The following SLCO3A1 variants were observed in gnomAD, a reference collection of about 807,000 sequenced individuals.
SLCO3A1 encodes PGE1 transporter.
SLCO3A1 carries 27 observed loss-of-function variants against 63.1 expected under a neutral mutation model. The ratio of observed to expected loss-of-function variants is 0.43; its 90% CI spans 0.32 to 0.59. The LOEUF (loss-of-function observed/expected upper bound fraction) is 0.59, where lower values mean the gene tolerates loss of function less well. Among genes scored for constraint, SLCO3A1 ranks in the 20% least tolerant of loss-of-function variants. SLCO3A1 has a pLI of 0.09. For missense variants in SLCO3A1, 773 were observed against 945.8 expected (o/e 0.82, Z 2.40); for synonymous variants, 473 against 409.9 (o/e 1.15, Z -1.86).
At chr15:92,054,277 C>G (rs952964027) in intron 2 of SLCO3A1, among the ~76,000 whole-genome samples, 22 of 152,146 alleles carry the variant, frequency 1.4e-4, no homozygotes, top group African/African-American at 5.3e-4. Context: ...TTGTGCCTGT[C>G]TTGTGGAGCT....
intron 2 of SLCO3A1, among the ~76,000 whole-genome samples, chr15:91,978,806 G>A (rs1286915505): frequency 6.6e-6 from 1 of 152,216 alleles, no homozygotes; most frequent in East Asian, 1.9e-4. Flanking sequence ...AACTTTCCAC[G>A]TATCAGTATC....
intron 1 of SLCO3A1, among the ~76,000 whole-genome samples, chr15:91,857,758 G>C (rs1415471490): frequency 6.6e-6 from 1 of 152,098 alleles, no homozygotes; most frequent in Non-Finnish European, 1.5e-5. Context: ...CTGAGGACTG[G>C]AGTAGATAAG....
intron 3 of SLCO3A1, among the ~76,000 whole-genome samples, chr15:92,097,145 A>T (rs779159052): frequency 2.0e-5 from 3 of 152,214 alleles, no homozygotes; most frequent in Non-Finnish European, 4.4e-5. Flanking sequence ...GGTGGCCTTG[A>T]ACCAAAAGCC....
chr15:92,015,433 C>G (rs1036859153), intron 2 of SLCO3A1, among the ~76,000 whole-genome samples: 1 of 152,092 alleles, frequency 6.6e-6, no homozygotes, highest in African/African-American at 2.4e-5. Context: ...GGAACTGCCA[C>G]TTCTAAACTA....
intron 4 of SLCO3A1, among the ~76,000 whole-genome samples, chr15:92,115,417 C>G (rs1188103814): frequency 6.6e-6 from 1 of 152,174 alleles, no homozygotes; most frequent in Non-Finnish European, 1.5e-5. Context: ...CCCCATGGCT[C>G]TGAGGAACAC....
intron 2 of SLCO3A1, among the ~76,000 whole-genome samples, chr15:92,015,253 T>A (rs564380030): frequency 2.2e-4 from 34 of 152,270 alleles, no homozygotes; most frequent in Middle Eastern, 3.4e-3. Flanking sequence ...ATTTTCATAC[T>A]GCTGTGAAGA....
chr15:91,891,292 T>C (rs1897864715), intron 1 of SLCO3A1, among the ~76,000 whole-genome samples: 1 of 152,188 alleles, frequency 6.6e-6, no homozygotes, highest in African/African-American at 2.4e-5. Flanking sequence ...TAGGACTACC[T>C]TGGCTGAAGA....
chr15:91,976,706 A>T (rs1901126334), intron 2 of SLCO3A1, among the ~76,000 whole-genome samples: 1 of 152,120 alleles, frequency 6.6e-6, no homozygotes, highest in Non-Finnish European at 1.5e-5. Context: ...GAAATTTTAA[A>T]GTTGGGCGTC....
Position 91,865,940 on chromosome 15 carries a change from A to G in SLCO3A1, c.180+11852A>G, listed in dbSNP as rs1897154204. On this transcript the variant is annotated intron_variant, in intron 1 of 9. Transcript: ENST00000318445. The surrounding 1 kb of genome is among the most constrained non-coding windows in gnomAD (Gnocchi z 4.6). ...AAACAAAGGCAAACTCTGTCTTCTT[A>G]AGTGTTTGGGTGAGGTAGGAGGATT... 6.6e-6 allele frequency among the ~76,000 whole-genome samples: 1 copy of G among 152,200 alleles called. No individual in the cohort carries two copies. Among genetic ancestry groups the G allele is most frequent in the South Asian group, 2.1e-4 (1 of 4,832 alleles).
chr15:91,913,658 A>T (rs1334179505), intron 1 of SLCO3A1, among the ~76,000 whole-genome samples: 1 of 152,196 alleles, frequency 6.6e-6, no homozygotes, highest in Non-Finnish European at 1.5e-5. Context: ...GCACAGGCGT[A>T]TGTTTATATG....
chr15:92,087,183 T>A (rs1262395288), intron 2 of SLCO3A1, among the ~76,000 whole-genome samples: 1 of 150,598 alleles, frequency 6.6e-6, no homozygotes, highest in Non-Finnish European at 1.5e-5. Flanking sequence ...CGCCTATAGT[T>A]GCAAATTGTC....
intron 2 of SLCO3A1, among the ~76,000 whole-genome samples, chr15:91,931,433 CTG>C (rs1899224092): frequency 6.6e-6 from 1 of 151,338 alleles, no homozygotes. Flanking sequence ...TCCTCTTCCT[CTG>C]TGAATGGGCA....
chr15:92,128,421 T>C lies in SLCO3A1; in HGVS notation c.1444T>C (p.Phe482Leu). ...NNNCECQTDSFTPVCGADGIT... is the reference protein window; with the variant it reads ...NNNCECQTDSLTPVCGADGIT... ...TAACTGTGAATGCCAAACCGATTCC[T>C]TCACTCCAGTGTGTGGGGCAGATGG... Residue 482 changes from phenylalanine (F) to leucine (L), a missense_variant, in exon 7 of 10, where the codon TTC (phenylalanine) becomes CTC (leucine). Coordinates refer to ENST00000318445, the MANE Select transcript of SLCO3A1 (RefSeq NM_013272.4). The C allele has an allele frequency of 1.2e-6, 2 of 1,614,162 alleles. No homozygotes were observed. The highest frequency in any genetic ancestry group is 1.7e-6 in the Non-Finnish European group (2 of 1,180,004).
intron 2 of SLCO3A1, among the ~76,000 whole-genome samples, chr15:92,071,139 G>A (rs2047210922): frequency 6.6e-6 from 1 of 152,206 alleles, no homozygotes; most frequent in South Asian, 2.1e-4. Flanking sequence ...CTGGCTGGAG[G>A]ACTAGAGAGT....
At chr15:91,857,409 C>G (rs1374640051) in intron 1 of SLCO3A1, among the ~76,000 whole-genome samples, 1 of 152,220 alleles carries the variant, frequency 6.6e-6, no homozygotes, top group Non-Finnish European at 1.5e-5. Context: ...GATGTTCCAT[C>G]ATAGTCACCT....
intron 3 of SLCO3A1, among the ~76,000 whole-genome samples, chr15:92,100,178 TGACA>T (rs78007611): frequency 0.27 from 40,985 of 151,968 alleles, 5,940 homozygotes; most frequent in South Asian, 0.34. Context: ...CCTGGCTTCA[TGACA>T]GATATTTCAT....
At chr15:92,051,538 A>G (rs894414924) in intron 2 of SLCO3A1, among the ~76,000 whole-genome samples, 14 of 152,144 alleles carry the variant, frequency 9.2e-5, no homozygotes, top group African/African-American at 3.4e-4. Context: ...GAATATTTTT[A>G]TTCCAATTTT....
At chr15:92,072,515 T>C (rs370562000) in intron 2 of SLCO3A1, among the ~76,000 whole-genome samples, 3 of 152,354 alleles carry the variant, frequency 2.0e-5, no homozygotes, top group South Asian at 2.1e-4. Flanking sequence ...TCTGAGACTA[T>C]GCAACAACTT....
chr15:92,080,228 C>T lies in SLCO3A1; in HGVS notation c.647-14653C>T, dbSNP rs575635640. 2.0e-4 allele frequency among the ~76,000 whole-genome samples: 30 copies of T among 152,298 alleles called. No homozygotes were observed. In the East Asian group the frequency reaches 5.6e-3, roughly 28 times the overall value. On this transcript the variant is annotated intron_variant, in intron 2 of 9. Coordinates refer to ENST00000318445, the MANE Select transcript of SLCO3A1 (RefSeq NM_013272.4). Reference sequence around the variant, plus strand: ...TCTCCATGAGGCCAGGGCTTCCTACCCCTCCCAGGCCTGGGTAGTAATCAG... The same window carrying T: ...TCTCCATGAGGCCAGGGCTTCCTACTCCTCCCAGGCCTGGGTAGTAATCAG...
Sources: gnomAD v4.1 joint callset for allele counts (sites outside exome capture counted in the v4.1 genomes callset) on GRCh38, gnomAD v4.1.1 for gene constraint, Gnocchi (gnomAD v3.1) non-coding constraint, MANE v1.5 for transcripts, NCBI Gene and HGNC (gene_info 2026-07-23, HGNC 2026-07-21) for gene names.